ANGPT4: variants seen among roughly 807,000 people sequenced by gnomAD.
ANGPT4 encodes the protein angiopoietin 4, also known as angiopoietin-4.
Under a neutral mutation model 53.0 loss-of-function variants are expected in ANGPT4, and 50 were observed. The observed-to-expected ratio is 0.94, with a 90% CI of 0.75 to 1.20. The LOEUF (loss-of-function observed/expected upper bound fraction) is 1.20. Among genes scored for constraint, ANGPT4 ranks in the 50% most tolerant of loss-of-function variants. The pLI, the probability that ANGPT4 is intolerant of heterozygous loss-of-function variation, is 0.00. For missense variants in ANGPT4, 648 were observed against 637.1 expected, an observed-to-expected ratio of 1.02 and a Z score of -0.18; for synonymous variants, 251 against 259.7, an observed-to-expected ratio of 0.97 and a Z score of 0.32.
intron 1 of ANGPT4, among the ~76,000 whole-genome samples, chr20:906,154 T>A (rs2122123858): frequency 6.6e-6 from 1 of 152,326 alleles, no homozygotes; most frequent in South Asian, 2.1e-4. Context: ...TTAGTGTGAC[T>A]TCCTTGGCTA....
chr20:887,887 G>GAGGAAGGA lies in ANGPT4; in HGVS notation c.587+423_587+430dup, dbSNP rs59115029. On this transcript the variant is annotated intron_variant, in intron 3 of 8. Transcript: ENST00000381922. ...AAATTTACGAGATAAATAAAAGAAG[G>GAGGAAGGA]AGGAAGGAAGGAAGGAAGGAAGGAA... is the stretch of plus-strand genomic sequence containing the variant. Among the ~76,000 whole-genome samples the GAGGAAGGA allele has an allele frequency of 5.0e-3, 755 of 150,788 alleles. 9 individuals carry two copies. The highest frequency in any genetic ancestry group is 0.017 in the African/African-American group (700 of 40,732).
At chr20:907,970 C>T (rs1555792233) in intron 1 of ANGPT4, among the ~76,000 whole-genome samples, 1 of 152,170 alleles carries the variant, frequency 6.6e-6, no homozygotes, top group Non-Finnish European at 1.5e-5. Flanking sequence ...AAACTAAGGC[C>T]CACAAAGGCC....
At chr20:913,271 A>C (rs1474810237) in intron 1 of ANGPT4, among the ~76,000 whole-genome samples, 1 of 152,210 alleles carries the variant, frequency 6.6e-6, no homozygotes, top group African/African-American at 2.4e-5. Context: ...GACCAAGAGA[A>C]GAACCAGAGG....
In ANGPT4 at chr20:881,300, AC is replaced by A; in HGVS notation, c.836-15del. On this transcript the variant is annotated splice_polypyrimidine_tract_variant and intron_variant, in intron 4 of 8. Coordinates refer to ENST00000381922, the MANE Select transcript of ANGPT4 (RefSeq NM_015985.4). ...CCATTATGAAGGCTGCAAAGGGACAACACAAAAGTCAGTTGGAGGTGGGCAA... is the reference window on the plus strand; with the variant it reads ...CCATTATGAAGGCTGCAAAGGGACAAACAAAAGTCAGTTGGAGGTGGGCAA... 6.2e-7 allele frequency: 1 copy of A among 1,612,464 alleles called. No homozygotes were observed. Among genetic ancestry groups the A allele is most frequent in the Non-Finnish European group, 8.5e-7 (1 of 1,178,468 alleles).
At chr20:905,903 C>A (rs2077972) in intron 1 of ANGPT4, among the ~76,000 whole-genome samples, 11,146 of 152,232 alleles carry the variant, frequency 0.073, 510 homozygotes, top group African/African-American at 0.12. Context: ...CCATTGTCAC[C>A]ATTTTACAGA....
rs1459235446 is a variant in ANGPT4, at chr20:872,243, C to T, written c.*717G>A. The T allele has an allele frequency of 1.3e-5, 2 of 152,172 alleles. No individual in the cohort carries two copies. Among genetic ancestry groups the T allele is most frequent in the African/African-American group, 4.8e-5 (2 of 41,414 alleles). The allele number at this position is 152,172 out of a possible 1,614,324, so 9.4% of individuals were successfully genotyped here. A position where few individuals can be genotyped will look rare whatever the true frequency, so the allele number is the denominator to read the frequency against. ...CTTTTAGAGACAAGCCATAGTTATT[C>T]CCTGTGACACATCCTCTAGGACATG... On this transcript the variant is annotated 3_prime_UTR_variant, in exon 9 of 9. Coordinates refer to ENST00000381922, the MANE Select transcript of ANGPT4 (RefSeq NM_015985.4).
intron 1 of ANGPT4, among the ~76,000 whole-genome samples, chr20:912,945 T>C (rs1982762319): frequency 6.6e-6 from 1 of 152,156 alleles, no homozygotes; most frequent in Non-Finnish European, 1.5e-5. Context: ...GCTACATGGC[T>C]CTGGCAAGTC....
chr20:877,062 G>T (rs180987412), intron 7 of ANGPT4, among the ~76,000 whole-genome samples: 21 of 152,118 alleles, frequency 1.4e-4, no homozygotes, highest in Non-Finnish European at 2.5e-4. Context: ...CCTCAAAAAA[G>T]CCTTTGCTTT....
In ANGPT4 at chr20:916,303, T is replaced by C; in HGVS notation, c.-89A>G. Reference sequence around the variant, plus strand: ...CTGCTGCAGCCAACAGTGGCCAGGCTTGCCTGCAGCTGCAGCTACAAACCT... The same window carrying C: ...CTGCTGCAGCCAACAGTGGCCAGGCCTGCCTGCAGCTGCAGCTACAAACCT... On this transcript the variant is annotated 5_prime_UTR_variant, in exon 1 of 9. Transcript: ENST00000381922. 7.0e-7 allele frequency: 1 copy of C among 1,420,192 alleles called. No homozygotes were observed. The allele number at this position is 1,420,192 out of a possible 1,614,324, so 88.0% of individuals were successfully genotyped here.
chr20:881,877 T>C (rs1045225565), intron 4 of ANGPT4, among the ~76,000 whole-genome samples: 8 of 152,282 alleles, frequency 5.3e-5, no homozygotes, highest in Admixed American at 2.0e-4. Context: ...AGGAGGCTGC[T>C]AGAGTTTTCT....
At position 878,240 on chromosome 20, in the gene ANGPT4, C is replaced by G; in HGVS notation, c.1141G>C (p.Glu381Gln). The G allele has an allele frequency of 6.2e-7, 1 of 1,613,464 alleles. No homozygotes were observed. The highest frequency in any genetic ancestry group is 8.5e-7 in the Non-Finnish European group (1 of 1,179,422). The change falls in exon 7 of 9, where the codon GAG becomes CAG. Residue 381 changes from glutamate (E) to glutamine (Q), a missense_variant. Coordinates refer to ENST00000381922, the MANE Select transcript of ANGPT4 (RefSeq NM_015985.4). Reference protein sequence around the residue: ...TRRAAYSLRVELQDWEGHEAY... With the variant: ...TRRAAYSLRVQLQDWEGHEAY... Reference sequence around the variant, plus strand: ...TCGTGGCCTTCCCAGTCTTGCAGCTCCACACGCAGAGAGTAGGCTGCCCTT... The same window carrying G: ...TCGTGGCCTTCCCAGTCTTGCAGCTGCACACGCAGAGAGTAGGCTGCCCTT...
chr20:905,294 T>G lies in ANGPT4; in HGVS notation c.309+10612A>C, dbSNP rs117653166. 6.4e-3 allele frequency among the ~76,000 whole-genome samples: 971 copies of G among 152,326 alleles called. 10 individuals carry two copies. Among genetic ancestry groups the G allele is most frequent in the Middle Eastern group, 0.051 (15 of 294 alleles). ...AGAGCCCCAGGAGTGCAGAGGTTTG[T>G]CTGCCCTGTTCATGAGCACATCCTC... is the stretch of plus-strand genomic sequence containing the variant. On this transcript the variant is annotated intron_variant, in intron 1 of 8. Coordinates refer to ENST00000381922, the MANE Select transcript of ANGPT4 (RefSeq NM_015985.4).
intron 5 of ANGPT4, among the ~76,000 whole-genome samples, chr20:880,672 C>T (rs978863098): frequency 6.6e-6 from 1 of 152,174 alleles, no homozygotes; most frequent in Non-Finnish European, 1.5e-5. Context: ...TCCTGACATC[C>T]GTGCTCTTCT....
At chr20:886,998 G>A (rs1310111433) in intron 3 of ANGPT4, among the ~76,000 whole-genome samples, 1 of 152,208 alleles carries the variant, frequency 6.6e-6, no homozygotes, top group African/African-American at 2.4e-5. Context: ...CACATGAAAA[G>A]AGTTTGAAAA....
chr20:877,362 A>T (rs545715072), intron 7 of ANGPT4, among the ~76,000 whole-genome samples: 2 of 152,136 alleles, frequency 1.3e-5, no homozygotes, highest in Non-Finnish European at 2.9e-5. Context: ...TATCTAAAAG[A>T]TCCTTAAATT....
chr20:914,958 C>T lies in ANGPT4; in HGVS notation c.309+948G>A, dbSNP rs533495603. ...CAGCTCCTTGCTTCCTCCCACTCCG[C>T]ATCCAATTCACCAGCAGAGCTGATG... On this transcript the variant is annotated intron_variant, in intron 1 of 8. Transcript: ENST00000381922. The surrounding 1 kb of genome is among the most constrained non-coding windows in gnomAD (Gnocchi z 5.0). 6.6e-6 allele frequency among the ~76,000 whole-genome samples: 1 copy of T among 152,292 alleles called. No individual in the cohort carries two copies. Among genetic ancestry groups the T allele is most frequent in the East Asian group, 1.9e-4 (1 of 5,176 alleles).
intron 4 of ANGPT4, among the ~76,000 whole-genome samples, chr20:882,679 C>T (rs1168165794): frequency 6.6e-6 from 1 of 152,178 alleles, no homozygotes; most frequent in Non-Finnish European, 1.5e-5. Flanking sequence ...TCAAGGTGAG[C>T]AGGGATGGGC....
chr20:910,399 G>A (rs1439554115), intron 1 of ANGPT4, among the ~76,000 whole-genome samples: 1 of 152,162 alleles, frequency 6.6e-6, no homozygotes, highest in African/African-American at 2.4e-5. Flanking sequence ...CCACTTTAGA[G>A]AGGAGCCAAT....
chr20:912,210 GA>G (rs753791422), intron 1 of ANGPT4, among the ~76,000 whole-genome samples: 2 of 152,200 alleles, frequency 1.3e-5, no homozygotes, highest in Admixed American at 6.5e-5. Flanking sequence ...GCAACTGGGG[GA>G]ATGGCAGTCA....
Sources: gnomAD v4.1 joint callset for allele counts (sites outside exome capture counted in the v4.1 genomes callset) on GRCh38, gnomAD v4.1.1 for gene constraint, Gnocchi (gnomAD v3.1) non-coding constraint, MANE v1.5 for transcripts, NCBI Gene and HGNC (gene_info 2026-07-23, HGNC 2026-07-21) for gene names.